KLF12: variants seen among roughly 807,000 people sequenced by gnomAD.
KLF12 encodes KLF transcription factor 12, also known as Krueppel-like factor 12.
A neutral mutation model predicts 37.8 loss-of-function variants in KLF12; 9 were observed. The ratio of observed to expected loss-of-function variants is 0.24; its 90% CI spans 0.14 to 0.42. The LOEUF is 0.42. Among genes scored for constraint, KLF12 ranks in the 10% least tolerant of loss-of-function variants. The probability of loss-of-function intolerance (pLI) is 1.00; values close to 1 mark genes in which losing one functional copy is unlikely to be tolerated. For synonymous variants in KLF12, 208 were observed against 202.1 expected, an observed-to-expected ratio of 1.03 and a Z score of -0.25; for missense variants, 411 against 516.0, an observed-to-expected ratio of 0.80 and a Z score of 1.97.
chr13:73,823,072 G>A (rs1883621135), intron 4 of KLF12, among the ~76,000 whole-genome samples: 1 of 152,184 alleles, frequency 6.6e-6, no homozygotes, highest in Admixed American at 6.5e-5. Flanking sequence ...AATGTACAGA[G>A]AAGGTTTTAG....
chr13:74,050,541 T>C (rs965760539), intron 1 of KLF12, among the ~76,000 whole-genome samples: 3 of 152,134 alleles, frequency 2.0e-5, no homozygotes, highest in Admixed American at 6.5e-5. Context: ...GAAGATGTAC[T>C]TGACAGACAC....
chr13:74,266,994 A>T, the KLF12 span, among the ~76,000 whole-genome samples: 1 of 152,142 alleles, frequency 6.6e-6, no homozygotes, highest in African/African-American at 2.4e-5. Context: ...GTACCATTTG[A>T]ATGCTTATCA....
chr13:74,253,922 A>G, the KLF12 span, among the ~76,000 whole-genome samples: 3 of 152,196 alleles, frequency 2.0e-5, no homozygotes, highest in Non-Finnish European at 4.4e-5. Context: ...TGAAACTTTT[A>G]ATGTTTTTAA....
chr13:74,302,859 G>T, the KLF12 span, among the ~76,000 whole-genome samples: 1 of 152,110 alleles, frequency 6.6e-6, no homozygotes, highest in African/African-American at 2.4e-5. Flanking sequence ...AAGAAAAGGG[G>T]AAATGAGTGC....
At chr13:73,711,459 A>G (rs952928604) in intron 7 of KLF12, among the ~76,000 whole-genome samples, 1 of 152,218 alleles carries the variant, frequency 6.6e-6, no homozygotes, top group African/African-American at 2.4e-5. Flanking sequence ...GCTGAAGCCA[A>G]GGCTCATATA....
chr13:73,833,598 G>A lies in KLF12; in HGVS notation c.670+12229C>T, dbSNP rs186924603. ...ATGATGTGTGTGTGTTTGTGGGGGT[G>A]GTGGTGGTATATGAATTGCCTTACA... On this transcript the variant is annotated intron_variant, in intron 4 of 7. Transcript: ENST00000377669. 2.6e-5 allele frequency among the ~76,000 whole-genome samples: 4 copies of A among 152,246 alleles called. No homozygotes were observed. In the East Asian group the frequency reaches 7.7e-4, roughly 29 times the overall value.
At chr13:74,215,179 G>A in the KLF12 span, among the ~76,000 whole-genome samples, 4 of 151,956 alleles carry the variant, frequency 2.6e-5, no homozygotes, top group East Asian at 1.9e-4. Flanking sequence ...TTTATCATTC[G>A]AACCCACCTT....
chr13:74,110,605 T>C (rs753770162), intron 1 of KLF12, among the ~76,000 whole-genome samples: 7 of 152,272 alleles, frequency 4.6e-5, no homozygotes, highest in Admixed American at 3.3e-4. Flanking sequence ...TTACAGGTAG[T>C]ACAGTGCTCA....
At chr13:73,830,365 A>T (rs1884088531) in intron 4 of KLF12, among the ~76,000 whole-genome samples, 2 of 152,188 alleles carry the variant, frequency 1.3e-5, no homozygotes, top group South Asian at 4.1e-4. Context: ...AGAACTACAA[A>T]AACAGAAAAG....
chr13:73,757,568 G>A (rs895090904), intron 6 of KLF12, among the ~76,000 whole-genome samples: 1 of 152,138 alleles, frequency 6.6e-6, no homozygotes, highest in Non-Finnish European at 1.5e-5. Context: ...TGTATACGGA[G>A]AAATCTCTGT....
At chr13:73,835,247 A>G (rs1884370785) in intron 4 of KLF12, among the ~76,000 whole-genome samples, 1 of 152,252 alleles carries the variant, frequency 6.6e-6, no homozygotes, top group Admixed American at 6.5e-5. Flanking sequence ...GGCATGGAAG[A>G]AAAAATAATT....
the KLF12 span, among the ~76,000 whole-genome samples, chr13:74,288,916 G>T: frequency 6.6e-6 from 1 of 152,164 alleles, no homozygotes; most frequent in Non-Finnish European, 1.5e-5. Context: ...GCACTCCTCT[G>T]CATTCAAGCT....
intron 1 of KLF12, among the ~76,000 whole-genome samples, chr13:74,066,908 AG>A (rs1264173159): frequency 6.6e-6 from 1 of 152,186 alleles, no homozygotes; most frequent in Non-Finnish European, 1.5e-5. Flanking sequence ...AATAAACAAT[AG>A]GTACTTTGAA....
At chr13:74,233,046 TG>T in the KLF12 span, among the ~76,000 whole-genome samples, 1 of 152,032 alleles carries the variant, frequency 6.6e-6, no homozygotes, top group African/African-American at 2.4e-5. Context: ...CCACCATGCC[TG>T]GCTAATTTTT....
At chr13:74,226,523 G>A in the KLF12 span, among the ~76,000 whole-genome samples, 1 of 152,144 alleles carries the variant, frequency 6.6e-6, no homozygotes, top group African/African-American at 2.4e-5. Flanking sequence ...CTGCTGGGCA[G>A]AAAGACAAGG....
chr13:73,870,959 T>C (rs1594194685), intron 3 of KLF12, among the ~76,000 whole-genome samples: 2 of 152,194 alleles, frequency 1.3e-5, no homozygotes, highest in African/African-American at 4.8e-5. Flanking sequence ...CATTTTTACT[T>C]ATGCAACATA....
the KLF12 span, among the ~76,000 whole-genome samples, chr13:74,274,367 T>C: frequency 1.6e-4 from 24 of 152,330 alleles, no homozygotes; most frequent in Admixed American, 7.8e-4. Context: ...TGCTTCTTCT[T>C]ACATTACTTA....
intron 1 of KLF12, among the ~76,000 whole-genome samples, chr13:74,039,103 G>A (rs1162388283): frequency 4.9e-5 from 7 of 143,418 alleles, no homozygotes; most frequent in South Asian, 4.3e-4. Flanking sequence ...TTTTATTTAC[G>A]CATTTTTTTC....
chr13:73,994,173 G>A (rs1892044058), intron 2 of KLF12, among the ~76,000 whole-genome samples: 1 of 152,168 alleles, frequency 6.6e-6, no homozygotes, highest in African/African-American at 2.4e-5. Context: ...TAGGCTGGCA[G>A]AAAAAGACAT....
Sources: allele counts gnomAD v4.1 joint callset (sites outside exome capture counted in the v4.1 genomes callset), GRCh38; gene constraint gnomAD v4.1.1; transcripts MANE v1.5; gene names NCBI Gene and HGNC (gene_info 2026-07-23, HGNC 2026-07-21).